Variants in CLCN7 observed in about 807,000 individuals in gnomAD.
The protein encoded by CLCN7 is H(+)/Cl(-) exchange transporter 7.
Under a neutral mutation model 102.1 loss-of-function variants are expected in CLCN7, and 60 were observed. The ratio of observed to expected loss-of-function variants is 0.59; its 90% CI spans 0.48 to 0.73. CLCN7 has a LOEUF of 0.73. Ranked by LOEUF, CLCN7 falls within the 30% of genes least tolerant of loss-of-function variation. The pLI is 0.00. For missense variants in CLCN7, 962 were observed against 1,125.7 expected (o/e 0.85, Z 2.08); for synonymous variants, 560 against 490.5 (o/e 1.14, Z -1.87).
At chr16:1,446,768 C>T in intron 24 of CLCN7, 51 bp from the exon 25 acceptor site, 4 of 1,457,130 alleles carry the variant, frequency 2.7e-6, no homozygotes, top group Non-Finnish European at 3.8e-6. Flanking sequence ...TCCCGCCTGC[C>T]TGTGGAGCTC....
rs374890704 is a variant in CLCN7 at position 1,446,737 on chromosome 16, C to T, written c.2332-20G>A. On this transcript the variant is annotated intron_variant, in intron 24 of 24. Coordinates refer to ENST00000382745, the MANE Select transcript of CLCN7 (RefSeq NM_001287.6). ...GACAACCTGCAGGACAAGTCCAGGC[C>T]ACAGTGACACACGGGTCGGCTCCCG... The T allele has an allele frequency of 8.4e-4, 1,301 of 1,556,114 alleles. 17 individuals carry two copies. The African/African-American group carries it at 0.016, about 19-fold the overall frequency.
At position 1,450,569 on chromosome 16, in the gene CLCN7, G is replaced by A. The variant is rs1300293715; in HGVS notation, c.1545C>T (p.Ile515=). 4.3e-6 allele frequency: 7 copies of A among 1,612,310 alleles called. No homozygotes were observed. Among genetic ancestry groups the A allele is most frequent in the South Asian group, 1.1e-5 (1 of 90,920 alleles). ...AGGCAGCCCCGATGAGCAGGGACGG[G>A]ATGAAGACCCCGGCAGACACCGTGA... The part of the protein sequence containing the change: ...YGLTVSAGVF[I]PSLLIGAAWG... Residue 515 remains isoleucine, a synonymous_variant, in exon 17 of 25, where the codon ATC becomes ATT. Coordinates refer to ENST00000382745, the MANE Select transcript of CLCN7 (RefSeq NM_001287.6).
intron 1 of CLCN7, among the ~76,000 whole-genome samples, chr16:1,469,784 C>T (rs1404986188): frequency 6.6e-6 from 1 of 152,258 alleles, no homozygotes; most frequent in African/African-American, 2.4e-5. Flanking sequence ...ACAGCAGCAC[C>T]GTTCACAATG....
At chr16:1,469,321 T>G (rs1247731521) in intron 1 of CLCN7, among the ~76,000 whole-genome samples, 2 of 152,118 alleles carry the variant, frequency 1.3e-5, no homozygotes, top group African/African-American at 4.8e-5. Flanking sequence ...AGGTAACCTA[T>G]GAAACGAGAA....
chr16:1,468,285 G>T lies in CLCN7; in HGVS notation c.142-2947C>A, dbSNP rs1009365212. 2.6e-5 allele frequency among the ~76,000 whole-genome samples: 4 copies of T among 152,162 alleles called. No homozygotes were observed. The East Asian group carries it at 7.7e-4, about 29-fold the overall frequency. ...TGACCAGCGGGCCACCCCCACCGCC[G>T]CCGCCTTGGCAGATCCGAGAGGGGT... On this transcript the variant is annotated intron_variant, in intron 1 of 24. Coordinates refer to ENST00000382745, the MANE Select transcript of CLCN7 (RefSeq NM_001287.6).
In CLCN7 at chr16:1,469,775, C is replaced by A. The variant is rs554377648; in HGVS notation, c.142-4437G>T. Among the ~76,000 whole-genome samples the A allele has an allele frequency of 2.0e-5, 3 of 152,382 alleles. No homozygotes were observed. The South Asian group carries it at 6.2e-4, about 32-fold the overall frequency. On this transcript the variant is annotated intron_variant, in intron 1 of 24. Transcript: ENST00000382745. Reference sequence around the variant, plus strand: ...AAGTCCCACTTGCACGCCATGTTCACAGCAGCACCGTTCACAATGACCAAA... The same window carrying A: ...AAGTCCCACTTGCACGCCATGTTCAAAGCAGCACCGTTCACAATGACCAAA...
chr16:1,447,255 C>G, intron 23 of CLCN7, 137 bp downstream of exon 23: 1 of 1,178,862 alleles, frequency 8.5e-7, no homozygotes, highest in Admixed American at 2.1e-5. Context: ...TAAAGCCTGC[C>G]AGGCCCTTCA....
intron 1 of CLCN7, chr16:1,474,507 G>T: frequency 3.1e-6 from 1 of 319,854 alleles, no homozygotes; most frequent in South Asian, 3.0e-5. Context: ...TTTAGGGCCA[G>T]TCTGGGGGAC....
chr16:1,470,763 T>C (rs1378368685), intron 1 of CLCN7, among the ~76,000 whole-genome samples: 2 of 152,138 alleles, frequency 1.3e-5, no homozygotes, highest in South Asian at 2.1e-4. Flanking sequence ...CCCCGCAGCC[T>C]TGCTGCGCCC....
intron 1 of CLCN7, 23 bp from the exon 2 acceptor site, chr16:1,465,361 G>A: frequency 1.9e-6 from 3 of 1,607,382 alleles, no homozygotes; most frequent in Non-Finnish European, 2.6e-6. Flanking sequence ...GAGAAATCAT[G>A]AGGGCGCTCA....
At chr16:1,465,389 T>C in intron 1 of CLCN7, 51 bp from the exon 2 acceptor site, 1 of 1,514,886 alleles carries the variant, frequency 6.6e-7, no homozygotes, top group South Asian at 1.2e-5. Context: ...CACGCTCTGC[T>C]CCGTGGATTC....
intron 1 of CLCN7, among the ~76,000 whole-genome samples, chr16:1,473,655 G>A (rs1410753165): frequency 2.0e-5 from 3 of 151,718 alleles, no homozygotes; most frequent in African/African-American, 7.3e-5. Flanking sequence ...TTACAGATGT[G>A]AGCCACCGTG....
chr16:1,455,617 AG>A, intron 11 of CLCN7, 113 bp downstream of exon 11: 2 of 1,138,786 alleles, frequency 1.8e-6, no homozygotes, highest in Non-Finnish European at 1.3e-6. Context: ...ACAGACCCAC[AG>A]GGGGTCCAGC....
chr16:1,474,843 A>T lies in CLCN7; in HGVS notation c.132T>A (p.Ala44=), dbSNP rs886051702. 3.7e-6 allele frequency: 5 copies of T among 1,363,494 alleles called. No homozygotes were observed. The East Asian group carries it at 1.3e-4, about 36-fold the overall frequency. The allele number at this position is 1,363,494 out of a possible 1,614,324, so 84.5% of individuals were successfully genotyped here. A position where few individuals can be genotyped will look rare whatever the true frequency, so the allele number is the denominator to read the frequency against. Residue 44 remains alanine (A), a synonymous_variant, in exon 1 of 25, where the codon GCT becomes GCA. Transcript: ENST00000382745. ...TPLLNGAGPG[A]ARQSPRSALF... is the part of the protein sequence containing the mutation. ...CCCTGCCCGGCCTCACCTGGCGCGC[A>T]GCCCCAGGCCCAGCCCCGTTCAGCA...
At chr16:1,449,523 C>T (rs957973308) in intron 17 of CLCN7, 196 bp from the exon 18 acceptor site, 4 of 615,282 alleles carry the variant, frequency 6.5e-6, no homozygotes, top group Admixed American at 2.6e-5. Context: ...CTGAACCAGG[C>T]GCTCAGCACC....
chr16:1,468,343 C>T (rs917036489), intron 1 of CLCN7, among the ~76,000 whole-genome samples: 11 of 152,166 alleles, frequency 7.2e-5, no homozygotes, highest in Non-Finnish European at 1.5e-5. Context: ...AGCAGGGCAT[C>T]AGCTGCCCCT....
chr16:1,452,007 T>C (rs993260801), intron 15 of CLCN7: 1 of 415,632 alleles, frequency 2.4e-6, no homozygotes. Context: ...TGAGACGCTG[T>C]CCATCCCTGG....
intron 9 of CLCN7, 60 bp from the exon 10 acceptor site, chr16:1,456,266 G>A (rs1443194160): frequency 7.9e-7 from 1 of 1,262,882 alleles, no homozygotes. Flanking sequence ...TCTCAGAAAG[G>A]GAGAGCAACT....
intron 6 of CLCN7, among the ~76,000 whole-genome samples, chr16:1,460,103 C>T (rs532871952): frequency 2.6e-4 from 39 of 151,732 alleles, no homozygotes; most frequent in Non-Finnish European, 4.1e-4. Context: ...AGATCAAGGA[C>T]GTGGTGGAGG....
Sources: allele counts gnomAD v4.1 joint callset (sites outside exome capture counted in the v4.1 genomes callset), GRCh38; gene constraint gnomAD v4.1.1; transcripts MANE v1.5; gene names NCBI Gene and HGNC (gene_info 2026-07-23, HGNC 2026-07-21).